Variants in PCSK2 observed in about 807,000 individuals in gnomAD.
The protein encoded by PCSK2 is proprotein convertase subtilisin/kexin type 2.
A neutral mutation model predicts 69.7 loss-of-function variants in PCSK2; 14 were observed. The ratio of observed to expected loss-of-function variants is 0.20; its 90% CI spans 0.13 to 0.31. PCSK2 has a LOEUF of 0.31. Ranked by LOEUF, PCSK2 falls within the 10% of genes least tolerant of loss-of-function variation. PCSK2 has a pLI of 1.00. For synonymous variants in PCSK2, 307 were observed against 320.7 expected (o/e 0.96, Z 0.46); for missense variants, 544 against 842.5 (o/e 0.65, Z 4.39).
chr20:17,324,101 T>C (rs191670550), intron 2 of PCSK2, among the ~76,000 whole-genome samples: 237 of 152,346 alleles, frequency 1.6e-3, no homozygotes, highest in African/African-American at 4.5e-3. Flanking sequence ...CCCAATGGGA[T>C]TGACACCTAG....
At chr20:17,314,131 C>A (rs559637805) in intron 2 of PCSK2, among the ~76,000 whole-genome samples, 10 of 152,126 alleles carry the variant, frequency 6.6e-5, no homozygotes, top group Admixed American at 2.0e-4. Flanking sequence ...GGCAGGCAAC[C>A]AAAAACTGAG....
At chr20:17,436,424 G>A (rs188204558) in intron 7 of PCSK2, among the ~76,000 whole-genome samples, 7 of 152,300 alleles carry the variant, frequency 4.6e-5, no homozygotes, top group Admixed American at 2.6e-4. Context: ...TCAAAGCATC[G>A]CTTCAGCAAA....
At chr20:17,308,304 C>A (rs866168110) in intron 2 of PCSK2, among the ~76,000 whole-genome samples, 1 of 152,002 alleles carries the variant, frequency 6.6e-6, no homozygotes, top group African/African-American at 2.4e-5. Context: ...ATTTTGGTGG[C>A]GAAACAGATC....
At chr20:17,299,438 T>C (rs898726719) in intron 2 of PCSK2, among the ~76,000 whole-genome samples, 1 of 152,124 alleles carries the variant, frequency 6.6e-6, no homozygotes, top group African/African-American at 2.4e-5. Flanking sequence ...TATTTGCCAG[T>C]TTTCCTTCAT....
chr20:17,253,779 T>C (rs1217144515), intron 1 of PCSK2, among the ~76,000 whole-genome samples: 1 of 152,188 alleles, frequency 6.6e-6, no homozygotes, highest in African/African-American at 2.4e-5. Context: ...TTTAAGTAAC[T>C]GCCAAAGAGC....
chr20:17,462,826 A>G (rs1436895260), intron 10 of PCSK2, among the ~76,000 whole-genome samples: 1 of 152,250 alleles, frequency 6.6e-6, no homozygotes, highest in Non-Finnish European at 1.5e-5. Flanking sequence ...AGTGACCTGT[A>G]TATCGCAGAT....
At chr20:17,472,995 A>G (rs534811166) in intron 11 of PCSK2, among the ~76,000 whole-genome samples, 3 of 152,212 alleles carry the variant, frequency 2.0e-5, no homozygotes, top group Admixed American at 1.3e-4. Context: ...TAAAATAAAG[A>G]TACAAGCCAC....
intron 1 of PCSK2, among the ~76,000 whole-genome samples, chr20:17,256,170 G>GT (rs1207319042): frequency 6.6e-6 from 1 of 152,020 alleles, no homozygotes; most frequent in Non-Finnish European, 1.5e-5. Context: ...TTTAAATTCT[G>GT]TTATGTACTT....
At chr20:17,345,894 T>A (rs377314834) in intron 2 of PCSK2, among the ~76,000 whole-genome samples, 24 of 152,310 alleles carry the variant, frequency 1.6e-4, no homozygotes, top group Admixed American at 6.5e-4. Context: ...CATTAGCCTG[T>A]GGCCATGGAA....
intron 2 of PCSK2, among the ~76,000 whole-genome samples, chr20:17,338,020 ATCAGGCAGGTACTGGAACTTGGGTTCAGG>A (rs1450486678): frequency 1.3e-5 from 2 of 151,568 alleles, no homozygotes; most frequent in Non-Finnish European, 2.9e-5. Flanking sequence ...TTCAGGTCAG[ATCAGGCAGGTACTGGAACTTGGGTTCAGG>A]TCAGGCAGGC....
intron 1 of PCSK2, among the ~76,000 whole-genome samples, chr20:17,242,651 G>A (rs1164069689): frequency 1.3e-5 from 2 of 152,170 alleles, no homozygotes. Flanking sequence ...CTAACCTGGT[G>A]ACACATCCTA....
chr20:17,292,102 C>T (rs188256044), intron 2 of PCSK2, among the ~76,000 whole-genome samples: 7 of 152,278 alleles, frequency 4.6e-5, no homozygotes, highest in South Asian at 2.1e-4. Context: ...TCGAATACAG[C>T]GCATGGATAT....
chr20:17,390,404 C>T (rs1205999370), intron 5 of PCSK2, among the ~76,000 whole-genome samples: 1 of 152,148 alleles, frequency 6.6e-6, no homozygotes, highest in East Asian at 1.9e-4. Flanking sequence ...GTAAATTATA[C>T]CTCAATTAAA....
intron 11 of PCSK2, among the ~76,000 whole-genome samples, chr20:17,465,850 G>C (rs2033092296): frequency 6.6e-6 from 1 of 151,798 alleles, no homozygotes; most frequent in Non-Finnish European, 1.5e-5. Context: ...TTTATTTTTT[G>C]TAGAGACAAA....
At chr20:17,417,468 A>G (rs1192292300) in intron 6 of PCSK2, among the ~76,000 whole-genome samples, 2 of 152,220 alleles carry the variant, frequency 1.3e-5, no homozygotes, top group African/African-American at 4.8e-5. Flanking sequence ...CTTTTCAATT[A>G]TCAAGTCATT....
At chr20:17,279,539 C>T (rs1459240174) in intron 2 of PCSK2, among the ~76,000 whole-genome samples, 3 of 151,820 alleles carry the variant, frequency 2.0e-5, no homozygotes, top group Non-Finnish European at 2.9e-5. Context: ...CCAGTGGTGG[C>T]TCACGCCTGT....
At chr20:17,311,659 G>A (rs777825361) in intron 2 of PCSK2, among the ~76,000 whole-genome samples, 1 of 152,138 alleles carries the variant, frequency 6.6e-6, no homozygotes, top group Non-Finnish European at 1.5e-5. Flanking sequence ...ATAGATCAGG[G>A]CTGGGACAAG....
rs1376011754 is a variant in PCSK2, at chr20:17,453,114, AAAG to A, written c.886-625_886-623del. The stretch of plus-strand genomic sequence containing the variant: ...GGATTCTAGTATCCAATTGAATAAA[AAAG>A]AATATATACATATGCACACACACGT... On this transcript the variant is annotated intron_variant, in intron 8 of 11. Coordinates refer to ENST00000262545, the MANE Select transcript of PCSK2 (RefSeq NM_002594.5). The surrounding 1 kb of genome is among the most constrained non-coding windows in gnomAD (Gnocchi z 4.0). Among the ~76,000 whole-genome samples, 1 of 152,242 alleles carries A rather than the reference AAAG, an allele frequency of 6.6e-6. No individual in the cohort carries two copies. Among genetic ancestry groups the A allele is most frequent in the Non-Finnish European group, 1.5e-5 (1 of 68,048 alleles).
At chr20:17,315,926 C>T (rs560086198) in intron 2 of PCSK2, among the ~76,000 whole-genome samples, 65 of 152,350 alleles carry the variant, frequency 4.3e-4, no homozygotes, top group African/African-American at 1.5e-3. Flanking sequence ...GCTGCGTCCA[C>T]TCCCCAGGGT....
Sources: allele counts gnomAD v4.1 joint callset (sites outside exome capture counted in the v4.1 genomes callset), GRCh38; gene constraint gnomAD v4.1.1; non-coding constraint Gnocchi (gnomAD v3.1); transcripts MANE v1.5; gene names NCBI Gene and HGNC (gene_info 2026-07-23, HGNC 2026-07-21).